The following SLC2A13 variants were observed in gnomAD, a reference collection of about 807,000 sequenced individuals.
SLC2A13 encodes solute carrier family 2 member 13, also known as proton myo-inositol cotransporter.
A neutral mutation model predicts 64.4 loss-of-function variants in SLC2A13; 32 were observed. The observed-to-expected ratio is 0.50, with a 90% confidence interval of 0.37 to 0.67. The LOEUF is 0.67. Ranked by LOEUF, SLC2A13 falls within the 30% of genes least tolerant of loss-of-function variation. SLC2A13 has a pLI of 0.00. For missense variants in SLC2A13, 743 were observed against 829.2 expected (o/e 0.90, Z 1.28); for synonymous variants, 338 against 327.1 (o/e 1.03, Z -0.36).
intron 4 of SLC2A13, among the ~76,000 whole-genome samples, chr12:39,946,773 C>A (rs577930262): frequency 1.3e-5 from 2 of 152,304 alleles, no homozygotes; most frequent in East Asian, 3.9e-4. Context: ...AAAATTTGCC[C>A]AAGGCTGTCC....
Position 40,105,776 on chromosome 12 carries a change from G to A in SLC2A13, c.33C>T (p.Tyr11=). The A allele has an allele frequency of 6.7e-7, 1 of 1,488,586 alleles. No homozygotes were observed. Among genetic ancestry groups the A allele is most frequent in the Non-Finnish European group, 8.9e-7 (1 of 1,119,692 alleles). The allele number at this position is 1,488,586 out of a possible 1,614,324, so 92.2% of individuals were successfully genotyped here. Residue 11 remains tyrosine (Y), a synonymous_variant, in exon 1 of 10, where the codon TAC becomes TAT. Transcript: ENST00000280871. The surrounding 1 kb of genome is among the most constrained non-coding windows in gnomAD (Gnocchi z 4.2). The part of the protein sequence containing the change: MSRKASENVE[Y]TLRSLSSLMG... ...TCAGGCTGCTCAGGCTCCGCAGCGT[G>A]TACTCCACATTCTCGCTTGCCTTGC...
chr12:40,076,948 G>C (rs564454414), intron 1 of SLC2A13, among the ~76,000 whole-genome samples: 44 of 152,022 alleles, frequency 2.9e-4, no homozygotes, highest in Non-Finnish European at 5.7e-4. Context: ...CTTGTTGGCT[G>C]TGTGTGTCTT....
rs142387975 is a variant in SLC2A13, at chr12:39,987,119, T to C, written c.926-35754A>G. ...CCCTGGACAAAGCCTAAGTTAATCA[T>C]AGCTCCAGTCAATCATATCCAAAGA... On this transcript the variant is annotated intron_variant, in intron 3 of 9. Coordinates refer to ENST00000280871, the MANE Select transcript of SLC2A13 (RefSeq NM_052885.4). 7.2e-5 allele frequency among the ~76,000 whole-genome samples: 11 copies of C among 152,332 alleles called. 1 individual carries two copies. The East Asian group carries it at 2.1e-3, about 29-fold the overall frequency.
At chr12:39,827,704 T>C (rs892837088) in intron 7 of SLC2A13, among the ~76,000 whole-genome samples, 2 of 152,174 alleles carry the variant, frequency 1.3e-5, no homozygotes, top group South Asian at 2.1e-4. Context: ...TAAGTTTTCA[T>C]TGAAATTTAA....
At chr12:39,851,147 G>T (rs1200451103) in intron 6 of SLC2A13, among the ~76,000 whole-genome samples, 1 of 152,080 alleles carries the variant, frequency 6.6e-6, no homozygotes, top group East Asian at 1.9e-4. Flanking sequence ...TGATCCACCT[G>T]CCTTGGCCTC....
chr12:40,038,953 GC>G lies in SLC2A13; in HGVS notation c.716+9097del, dbSNP rs756166864. Among the ~76,000 whole-genome samples, 5 of 151,804 alleles carry G rather than the reference GC, an allele frequency of 3.3e-5. No homozygotes were observed. In the East Asian group the frequency reaches 5.8e-4, roughly 18 times the overall value. On this transcript the variant is annotated intron_variant, in intron 2 of 9. Transcript: ENST00000280871. ...GTTAAAAAAAAGAGTTAAAAATTCT[GC>G]AAATATAAGCTCAATTTGCCCATTT...
rs4447240 is a variant in SLC2A13 at position 39,759,098 on chromosome 12, G to A, written c.*928C>T. The stretch of plus-strand genomic sequence containing the variant: ...ATGTATGTAACACAAATGAAGGCAC[G>A]AAATAGTAGGACTCCAAGGCCAATG... On this transcript the variant is annotated 3_prime_UTR_variant, in exon 10 of 10. Coordinates refer to ENST00000280871, the MANE Select transcript of SLC2A13 (RefSeq NM_052885.4). 149,447 of 152,532 alleles carry A rather than the reference G, an allele frequency of 0.98. 73,222 individuals carry two copies. The highest frequency in any genetic ancestry group is 1 in the East Asian group (5,274 of 5,278). 9.4% of individuals were successfully genotyped at this position (152,532 alleles called of 1,614,324 possible). A position where few individuals can be genotyped will look rare whatever the true frequency, so the allele number is the denominator to read the frequency against.
At chr12:40,067,775 C>T (rs1937791480) in intron 1 of SLC2A13, among the ~76,000 whole-genome samples, 1 of 152,178 alleles carries the variant, frequency 6.6e-6, no homozygotes. Context: ...CACGTTTCTT[C>T]TCTCTCCCCA....
intron 3 of SLC2A13, among the ~76,000 whole-genome samples, chr12:39,979,544 G>A (rs970612808): frequency 1.3e-4 from 19 of 149,692 alleles, no homozygotes; most frequent in African/African-American, 4.2e-4. Context: ...CTCAGGAGCC[G>A]ATGCGATCAA....
chr12:40,083,395 T>G (rs1938479126), intron 1 of SLC2A13, among the ~76,000 whole-genome samples: 1 of 152,200 alleles, frequency 6.6e-6, no homozygotes, highest in South Asian at 2.1e-4. Context: ...TAATTGGGAC[T>G]GTCCTTGCAG....
At chr12:39,938,839 C>G (rs1388046979) in intron 4 of SLC2A13, among the ~76,000 whole-genome samples, 1 of 152,080 alleles carries the variant, frequency 6.6e-6, no homozygotes, top group East Asian at 1.9e-4. Flanking sequence ...TGCTCTAGAT[C>G]ACCCTCTGAA....
At chr12:39,982,993 G>A (rs897356489) in intron 3 of SLC2A13, among the ~76,000 whole-genome samples, 1 of 144,364 alleles carries the variant, frequency 6.9e-6, no homozygotes, top group African/African-American at 2.5e-5. Flanking sequence ...TAGATCAATG[G>A]AACAGAACAG....
At chr12:39,839,135 C>T (rs527947012) in intron 6 of SLC2A13, among the ~76,000 whole-genome samples, 1 of 152,248 alleles carries the variant, frequency 6.6e-6, no homozygotes, top group African/African-American at 2.4e-5. Context: ...CCCTTCCTCA[C>T]TGCTCTCACC....
intron 3 of SLC2A13, among the ~76,000 whole-genome samples, chr12:39,963,832 T>G (rs572975891): frequency 6.6e-6 from 1 of 152,198 alleles, no homozygotes; most frequent in Non-Finnish European, 1.5e-5. Context: ...AAATAAGTAC[T>G]AATGAGAATT....
chr12:40,024,790 C>T (rs998574120), intron 3 of SLC2A13, among the ~76,000 whole-genome samples: 3 of 152,122 alleles, frequency 2.0e-5, no homozygotes, highest in Admixed American at 1.3e-4. Context: ...AGGCACTTCT[C>T]AGAGACTTTC....
intron 1 of SLC2A13, among the ~76,000 whole-genome samples, chr12:40,086,083 G>A (rs1033179885): frequency 2.6e-5 from 4 of 151,924 alleles, no homozygotes; most frequent in South Asian, 2.1e-4. Context: ...GTGATCCACC[G>A]GCCTCGGCCT....
chr12:39,782,323 G>A (rs1266138751), intron 7 of SLC2A13, among the ~76,000 whole-genome samples: 1 of 152,066 alleles, frequency 6.6e-6, no homozygotes, highest in South Asian at 2.1e-4. Context: ...TACCCAGGGG[G>A]AGCTAATTGA....
chr12:39,872,647 T>C (rs1321913514), intron 4 of SLC2A13, among the ~76,000 whole-genome samples: 8 of 152,234 alleles, frequency 5.3e-5, no homozygotes, highest in Admixed American at 4.6e-4. Flanking sequence ...TGCCAGTTTG[T>C]TGATGCACAA....
chr12:39,778,337 C>A (rs1375632318), intron 7 of SLC2A13, among the ~76,000 whole-genome samples: 1 of 152,166 alleles, frequency 6.6e-6, no homozygotes, highest in Admixed American at 6.5e-5. Flanking sequence ...AGCTGAGGGG[C>A]TAGTAGCCAC....
Sources: gnomAD v4.1 joint callset for allele counts (sites outside exome capture counted in the v4.1 genomes callset) on GRCh38, gnomAD v4.1.1 for gene constraint, Gnocchi (gnomAD v3.1) non-coding constraint, MANE v1.5 for transcripts, NCBI Gene and HGNC (gene_info 2026-07-23, HGNC 2026-07-21) for gene names.